The following NFAT5 variants were observed in gnomAD, a reference collection of about 807,000 sequenced individuals.
NFAT5 encodes nuclear factor of activated T cells 5.
Under a neutral mutation model 166.5 loss-of-function variants are expected in NFAT5, and 31 were observed. The ratio of observed to expected loss-of-function variants is 0.19; its 90% confidence interval spans 0.14 to 0.25. The LOEUF (loss-of-function observed/expected upper bound fraction) is 0.25, where lower values mean the gene tolerates loss of function less well. Ranked by LOEUF, NFAT5 falls within the 10% of genes least tolerant of loss-of-function variation. The pLI is 1.00. For missense variants in NFAT5, 1,449 were observed against 1,821.8 expected, an observed-to-expected ratio of 0.80 and a Z score of 3.72; for synonymous variants, 612 against 639.7, an observed-to-expected ratio of 0.96 and a Z score of 0.65.
chr16:69,652,885 GAAGTACAATGTTA>G (rs968022720), intron 4 of NFAT5, among the ~76,000 whole-genome samples: 1 of 152,072 alleles, frequency 6.6e-6, no homozygotes, highest in Non-Finnish European at 1.5e-5. Context: ...TATTTTGACT[GAAGTACAATGTTA>G]AAGGTTATAG....
intron 11 of NFAT5, among the ~76,000 whole-genome samples, chr16:69,688,476 G>T (rs2037418618): frequency 6.6e-6 from 1 of 151,942 alleles, no homozygotes; most frequent in African/African-American, 2.4e-5. Context: ...TCTGCCTCCT[G>T]GGTTCCAGAG....
At chr16:69,659,944 C>G in intron 7 of NFAT5, 45 bp downstream of exon 7, 4 of 1,441,252 alleles carry the variant, frequency 2.8e-6, no homozygotes, top group Non-Finnish European at 3.8e-6. Context: ...GAGTTTCTTT[C>G]ATTTTCTGTT....
At chr16:69,643,959 A>G (rs1212385418) in intron 3 of NFAT5, among the ~76,000 whole-genome samples, 1 of 152,212 alleles carries the variant, frequency 6.6e-6, no homozygotes, top group Non-Finnish European at 1.5e-5. Context: ...TTTATACATC[A>G]TTATCATCAT....
chr16:69,612,262 G>T (rs892821548), intron 2 of NFAT5, among the ~76,000 whole-genome samples: 2 of 152,118 alleles, frequency 1.3e-5, no homozygotes, highest in Non-Finnish European at 2.9e-5. Context: ...CATAGTTTTG[G>T]TCCATGAAGG....
intron 2 of NFAT5, among the ~76,000 whole-genome samples, chr16:69,584,122 A>G (rs1218145293): frequency 1.3e-5 from 2 of 151,974 alleles, no homozygotes; most frequent in African/African-American, 2.4e-5. Flanking sequence ...GCTACTCGGG[A>G]GGTTGAGGCA....
intron 2 of NFAT5, among the ~76,000 whole-genome samples, chr16:69,607,113 A>G (rs2033452876): frequency 6.6e-6 from 1 of 152,196 alleles, no homozygotes; most frequent in African/African-American, 2.4e-5. Context: ...ACAACTCTAC[A>G]AGGTAGATAG....
chr16:69,647,211 C>T lies in NFAT5; in HGVS notation c.437C>T (p.Thr146Ile), dbSNP rs143475718. The T allele has an allele frequency of 8.7e-6, 14 of 1,613,884 alleles. No homozygotes were observed. Among genetic ancestry groups the T allele is most frequent in the Non-Finnish European group, 1.2e-5 (14 of 1,179,914 alleles). Reference sequence around the variant, plus strand: ...AGTGAAAAGCAGTTAACCAGTAACACAGTTCAGCAGCATCCATCAACACCG... The same window carrying T: ...AGTGAAAAGCAGTTAACCAGTAACATAGTTCAGCAGCATCCATCAACACCG... ...GVSEKQLTSN[T>I]VQQHPSTPKR... Residue 146 changes from threonine (T) to isoleucine (I), a missense_variant, in exon 4 of 15, where the codon ACA becomes ATA. Coordinates refer to ENST00000349945, the MANE Select transcript of NFAT5 (RefSeq NM_138713.4). This position sits in a 1 kb window ranked among gnomAD's most constrained non-coding sequence, Gnocchi z 4.8.
chr16:69,667,844 T>G (rs1360901208), intron 7 of NFAT5, among the ~76,000 whole-genome samples: 1 of 152,340 alleles, frequency 6.6e-6, no homozygotes, highest in East Asian at 1.9e-4. Flanking sequence ...ATAAACTGAT[T>G]TAGTTAATTC....
At chr16:69,635,852 C>T (rs2034942431) in intron 3 of NFAT5, among the ~76,000 whole-genome samples, 1 of 152,108 alleles carries the variant, frequency 6.6e-6, no homozygotes, top group Non-Finnish European at 1.5e-5. Context: ...CATCATTCTG[C>T]CCCTGGCCCC....
At chr16:69,622,989 T>C (rs897942726) in intron 2 of NFAT5, among the ~76,000 whole-genome samples, 4 of 152,156 alleles carry the variant, frequency 2.6e-5, no homozygotes, top group African/African-American at 7.2e-5. Context: ...CTATTAAGAA[T>C]ACAAAATTAG....
At chr16:69,605,404 C>T (rs906204171) in intron 2 of NFAT5, among the ~76,000 whole-genome samples, 1 of 152,184 alleles carries the variant, frequency 6.6e-6, no homozygotes, top group Non-Finnish European at 1.5e-5. Flanking sequence ...TGTACCACTG[C>T]ACCCTAGCCA....
chr16:69,604,359 T>C (rs1294431851), intron 2 of NFAT5, among the ~76,000 whole-genome samples: 2 of 152,230 alleles, frequency 1.3e-5, no homozygotes, highest in African/African-American at 4.8e-5. Flanking sequence ...AGTGATCTCA[T>C]TGAATTAGGT....
intron 2 of NFAT5, among the ~76,000 whole-genome samples, chr16:69,584,398 G>A (rs1375435652): frequency 6.7e-6 from 1 of 150,062 alleles, no homozygotes; most frequent in Non-Finnish European, 1.5e-5. Context: ...GTGCCATCTC[G>A]GCTCACTGCA....
chr16:69,662,150 AAGTAC>A (rs2036172962), intron 7 of NFAT5, among the ~76,000 whole-genome samples: 1 of 152,182 alleles, frequency 6.6e-6, no homozygotes, highest in African/African-American at 2.4e-5. Context: ...TGTGTGAATA[AAGTAC>A]AGTGGAAACA....
Position 69,688,307 on chromosome 16 carries a change from G to A in NFAT5, c.1775-2633G>A, listed in dbSNP as rs533861206. On this transcript the variant is annotated intron_variant, in intron 11 of 14. Transcript: ENST00000349945. The stretch of plus-strand genomic sequence containing the variant: ...TGTCTCTAATTGAATGAATGAGTGA[G>A]TAAATGAATGAATGAATGAATGAAT... Among the ~76,000 whole-genome samples, 550 of 151,120 alleles carry A rather than the reference G, an allele frequency of 3.6e-3. 3 individuals are homozygous for A. The highest frequency in any genetic ancestry group is 0.012 in the African/African-American group (510 of 41,174).
At chr16:69,635,687 A>C (rs778372558) in intron 3 of NFAT5, among the ~76,000 whole-genome samples, 4 of 152,184 alleles carry the variant, frequency 2.6e-5, no homozygotes, top group Non-Finnish European at 5.9e-5. Context: ...GAAGAAGCAA[A>C]AGCAGAAACC....
Position 69,703,938 on chromosome 16 carries a change from T to G in NFAT5, c.*7587T>G, listed in dbSNP as rs2151737520. 1 of 152,682 alleles carries G rather than the reference T, an allele frequency of 6.5e-6. No individual in the cohort carries two copies. Among genetic ancestry groups the G allele is most frequent in the East Asian group, 1.9e-4 (1 of 5,190 alleles). 9.5% of individuals were successfully genotyped at this position (152,682 alleles called of 1,614,324 possible). On this transcript the variant is annotated 3_prime_UTR_variant, in exon 15 of 15. Coordinates refer to ENST00000349945, the MANE Select transcript of NFAT5 (RefSeq NM_138713.4). ...CTTTCTCTCTCTTCCAGAAGTCATTTGCCTGGTTTGAAATATTTTGTAGGG... is the reference window on the plus strand; with the variant it reads ...CTTTCTCTCTCTTCCAGAAGTCATTGGCCTGGTTTGAAATATTTTGTAGGG...
At chr16:69,635,023 GTTTTTTTTTT>G (rs530661389) in intron 3 of NFAT5, among the ~76,000 whole-genome samples, 127 of 105,250 alleles carry the variant, frequency 1.2e-3, no homozygotes, top group Admixed American at 4.3e-3. Flanking sequence ...TGTTAGTAAA[GTTTTTTTTTT>G]TTTTTTTTTT....
At chr16:69,636,953 A>G (rs2034994838) in intron 3 of NFAT5, among the ~76,000 whole-genome samples, 1 of 152,190 alleles carries the variant, frequency 6.6e-6, no homozygotes, top group Non-Finnish European at 1.5e-5. Context: ...TTTCTGTCGC[A>G]TAGTCAGGCT....
Sources: gnomAD v4.1 joint callset for allele counts (sites outside exome capture counted in the v4.1 genomes callset) on GRCh38, gnomAD v4.1.1 for gene constraint, Gnocchi (gnomAD v3.1) non-coding constraint, MANE v1.5 for transcripts, NCBI Gene and HGNC (gene_info 2026-07-23, HGNC 2026-07-21) for gene names.